CHRM3: variants seen among roughly 807,000 people sequenced by gnomAD.
CHRM3 encodes cholinergic receptor muscarinic 3.
Under a neutral mutation model 41.8 loss-of-function variants are expected in CHRM3, and 11 were observed. The observed-to-expected ratio is 0.26, with a 90% CI of 0.17 to 0.44. The LOEUF is 0.44. Among genes scored for constraint, CHRM3 ranks in the 20% least tolerant of loss-of-function variants. CHRM3 has a pLI of 1.00. For missense variants in CHRM3, 571 were observed against 745.4 expected (o/e 0.77, Z 2.72); for synonymous variants, 297 against 301.4 (o/e 0.99, Z 0.15).
chr1:239,614,753 C>T lies in CHRM3; in HGVS notation c.-312-17471C>T, dbSNP rs187447570. On this transcript the variant is annotated intron_variant, in intron 3 of 6. Coordinates refer to ENST00000676153, the MANE Select transcript of CHRM3 (RefSeq NM_001375978.1). ...TAAATAACCTAGCTTTTACCTTATC[C>T]AACAAAACACATTTTTTCAGGATAG... is the stretch of plus-strand genomic sequence containing the variant. Among the ~76,000 whole-genome samples, 6 of 152,168 alleles carry T rather than the reference C, an allele frequency of 3.9e-5. No individual in the cohort carries two copies. The East Asian group carries it at 1.2e-3, about 29-fold the overall frequency.
intron 5 of CHRM3, among the ~76,000 whole-genome samples, chr1:239,716,650 T>A (rs147193195): frequency 6.6e-6 from 1 of 151,844 alleles, no homozygotes; most frequent in East Asian, 1.9e-4. Context: ...ATTTTTAATT[T>A]GGTAATAAGG....
At chr1:239,810,252 C>T (rs969881486) in intron 5 of CHRM3, among the ~76,000 whole-genome samples, 13 of 152,128 alleles carry the variant, frequency 8.5e-5, no homozygotes, top group African/African-American at 2.9e-4. Flanking sequence ...CTTGCTGCTT[C>T]GGATTCCCCA....
intron 2 of CHRM3, among the ~76,000 whole-genome samples, chr1:239,526,701 C>T (rs947256545): frequency 6.6e-6 from 1 of 152,194 alleles, no homozygotes; most frequent in Non-Finnish European, 1.5e-5. Flanking sequence ...TTTCATTTAT[C>T]AGACATTTTC....
intron 1 of CHRM3, among the ~76,000 whole-genome samples, chr1:239,480,415 T>C (rs1207328194): frequency 2.0e-5 from 3 of 152,176 alleles, no homozygotes; most frequent in African/African-American, 7.2e-5. Flanking sequence ...ACATGAACAG[T>C]ATCTTATGTA....
At chr1:239,470,470 A>G (rs1199805487) in intron 1 of CHRM3, among the ~76,000 whole-genome samples, 1 of 152,146 alleles carries the variant, frequency 6.6e-6, no homozygotes, top group East Asian at 1.9e-4. Flanking sequence ...AGAAAATGTT[A>G]CCGTGTGGGC....
At chr1:239,536,809 A>G (rs987200424) in intron 2 of CHRM3, among the ~76,000 whole-genome samples, 6 of 152,248 alleles carry the variant, frequency 3.9e-5, no homozygotes, top group African/African-American at 1.4e-4. Context: ...AGTACTTGAG[A>G]GTTATTATGC....
intron 3 of CHRM3, among the ~76,000 whole-genome samples, chr1:239,581,114 T>C (rs1662860453): frequency 6.6e-6 from 1 of 152,074 alleles, no homozygotes; most frequent in East Asian, 1.9e-4. Flanking sequence ...AGGGAGAACA[T>C]GCAGCATACG....
At chr1:239,879,227 C>T (rs575729723) in intron 6 of CHRM3, among the ~76,000 whole-genome samples, 1 of 152,254 alleles carries the variant, frequency 6.6e-6, no homozygotes, top group African/African-American at 2.4e-5. Context: ...AACTCCTGGG[C>T]TCAAACAGTC....
At chr1:239,673,195 C>T (rs1674549603) in intron 4 of CHRM3, among the ~76,000 whole-genome samples, 1 of 152,106 alleles carries the variant, frequency 6.6e-6, no homozygotes, top group Admixed American at 6.6e-5. Context: ...TTCTGCAGCT[C>T]AGTTCTTTTC....
At chr1:239,450,477 A>G (rs1298468192) in intron 1 of CHRM3, among the ~76,000 whole-genome samples, 1 of 152,202 alleles carries the variant, frequency 6.6e-6, no homozygotes, top group Non-Finnish European at 1.5e-5. Flanking sequence ...CTTATAAAGC[A>G]TGATTTTCAG....
chr1:239,904,849 AT>A (rs1271360046), intron 6 of CHRM3, among the ~76,000 whole-genome samples: 1 of 152,132 alleles, frequency 6.6e-6, no homozygotes, highest in Non-Finnish European at 1.5e-5. Context: ...ACTATTTCAA[AT>A]TTTGTATTAT....
intron 1 of CHRM3, among the ~76,000 whole-genome samples, chr1:239,428,845 A>G (rs1055998299): frequency 4.6e-5 from 7 of 152,222 alleles, no homozygotes; most frequent in Non-Finnish European, 8.8e-5. Flanking sequence ...ATAATTTTAT[A>G]TAGTGTTTCC....
intron 4 of CHRM3, among the ~76,000 whole-genome samples, chr1:239,634,397 G>GAA (rs1340040861): frequency 6.9e-6 from 1 of 144,704 alleles, no homozygotes; most frequent in Non-Finnish European, 1.5e-5. Context: ...AAGAAAGAAA[G>GAA]AAAGAAAGGA....
chr1:239,753,679 G>A (rs1666016830), intron 5 of CHRM3, among the ~76,000 whole-genome samples: 1 of 152,146 alleles, frequency 6.6e-6, no homozygotes, highest in South Asian at 2.1e-4. Context: ...ATATCAGATA[G>A]TAAGTCATAT....
chr1:239,518,892 G>T (rs1669446153), intron 2 of CHRM3, among the ~76,000 whole-genome samples: 1 of 152,278 alleles, frequency 6.6e-6, no homozygotes, highest in Middle Eastern at 3.4e-3. Context: ...TATTTGCATT[G>T]TACAAATTTA....
chr1:239,894,542 C>T (rs1444982231), intron 6 of CHRM3, among the ~76,000 whole-genome samples: 24 of 152,276 alleles, frequency 1.6e-4, no homozygotes, highest in African/African-American at 4.3e-4. Context: ...AAGCGATTCT[C>T]GTGCCTCAGC....
chr1:239,505,869 G>T (rs1324082492), intron 2 of CHRM3, among the ~76,000 whole-genome samples: 1 of 152,148 alleles, frequency 6.6e-6, no homozygotes, highest in East Asian at 1.9e-4. Context: ...AGGCTGAGTT[G>T]GTCTCAGATG....
intron 5 of CHRM3, among the ~76,000 whole-genome samples, chr1:239,806,698 A>G (rs1224507518): frequency 6.6e-6 from 1 of 152,226 alleles, no homozygotes; most frequent in African/African-American, 2.4e-5. Context: ...ATATTGTAGA[A>G]AACATACACA....
chr1:239,599,074 G>T (rs961412562), intron 3 of CHRM3, among the ~76,000 whole-genome samples: 1 of 152,092 alleles, frequency 6.6e-6, no homozygotes, highest in Non-Finnish European at 1.5e-5. Flanking sequence ...TGTAGACACT[G>T]CTCCATTCCA....
Sources: allele counts gnomAD v4.1 joint callset (sites outside exome capture counted in the v4.1 genomes callset), GRCh38; gene constraint gnomAD v4.1.1; transcripts MANE v1.5; gene names NCBI Gene and HGNC (gene_info 2026-07-23, HGNC 2026-07-21).